Variants in FRAS1 observed in about 807,000 individuals in gnomAD.
The protein encoded by FRAS1 is extracellular matrix organizing protein FRAS1.
A neutral mutation model predicts 435.2 loss-of-function variants in FRAS1; 290 were observed. The ratio of observed to expected loss-of-function variants is 0.67; its 90% confidence interval spans 0.61 to 0.73. FRAS1 has a LOEUF of 0.73. Among genes scored for constraint, FRAS1 ranks in the 30% least tolerant of loss-of-function variants. The pLI is 0.00. For synonymous variants in FRAS1, 1,800 were observed against 1,851.0 expected (o/e 0.97, Z 0.71); for missense variants, 4,860 against 5,001.5 (o/e 0.97, Z 0.85).
intron 2 of FRAS1, among the ~76,000 whole-genome samples, chr4:78,125,381 C>T (rs777398016): frequency 6.6e-6 from 1 of 152,142 alleles, no homozygotes; most frequent in Non-Finnish European, 1.5e-5. Context: ...TGTTTTTTTA[C>T]ATTTGCTGAG....
chr4:78,315,650 A>G lies in FRAS1; in HGVS notation c.1735A>G (p.Thr579Ala). 3 of 1,613,982 alleles carry G rather than the reference A, an allele frequency of 1.9e-6. No individual in the cohort carries two copies. Among genetic ancestry groups the G allele is most frequent in the Non-Finnish European group, 1.7e-6 (2 of 1,179,878 alleles). ...GPSSPRCLTC[T>A]EKTVLHDGKC... ...CAGTAGCCCCAGGTGTCTTACCTGTACTGAGAAGACAGTGCTGCATGATGG... is the reference window on the plus strand; with the variant it reads ...CAGTAGCCCCAGGTGTCTTACCTGTGCTGAGAAGACAGTGCTGCATGATGG... Residue 579 changes from threonine (T) to alanine (A), a missense_variant, in exon 16 of 74, where the codon ACT becomes GCT. By Grantham distance (58) the Thr-to-Ala change is moderately conservative (BLOSUM62 0). Transcript: ENST00000512123.
At chr4:78,399,280 C>G (rs1732791180) in intron 29 of FRAS1, among the ~76,000 whole-genome samples, 1 of 152,108 alleles carries the variant, frequency 6.6e-6, no homozygotes, top group South Asian at 2.1e-4. Flanking sequence ...GTGAGATGCT[C>G]AAGGGCCAAG....
At chr4:78,272,708 A>G (rs1726772853) in intron 9 of FRAS1, among the ~76,000 whole-genome samples, 1 of 152,186 alleles carries the variant, frequency 6.6e-6, no homozygotes. Flanking sequence ...TGTTTTGGTT[A>G]CTATAGCCTT....
chr4:78,480,166 A>G (rs908009950), intron 56 of FRAS1, among the ~76,000 whole-genome samples: 1 of 152,112 alleles, frequency 6.6e-6, no homozygotes, highest in Admixed American at 6.6e-5. Context: ...AGGGAATACT[A>G]GGTCTTCTTT....
At chr4:78,085,854 T>C (rs900444499) in intron 2 of FRAS1, among the ~76,000 whole-genome samples, 12 of 152,060 alleles carry the variant, frequency 7.9e-5, no homozygotes, top group Non-Finnish European at 1.5e-4. Flanking sequence ...CTGTCAACAT[T>C]AGACAGATCA....
At chr4:78,400,397 C>T (rs1006726276) in intron 29 of FRAS1, among the ~76,000 whole-genome samples, 1 of 152,034 alleles carries the variant, frequency 6.6e-6, no homozygotes, top group African/African-American at 2.4e-5. Context: ...ATAATAGGTG[C>T]TTAATGAATA....
chr4:78,195,138 G>C (rs998279359), intron 2 of FRAS1, among the ~76,000 whole-genome samples: 4 of 152,172 alleles, frequency 2.6e-5, no homozygotes, highest in Admixed American at 2.6e-4. Flanking sequence ...CGGAAGTTTT[G>C]TCTCAGAGGA....
rs577079149 is a variant in FRAS1 at position 78,526,914 on chromosome 4, C to T, written c.10925+257C>T. On this transcript the variant is annotated intron_variant, in intron 70 of 73. Coordinates refer to ENST00000512123, the MANE Select transcript of FRAS1 (RefSeq NM_025074.7). ...ATCCTATGCACAGTCTATTCAGTGC[C>T]ATGTTTTTTGCATTTTTGTGCCTTT... Among the ~76,000 whole-genome samples, 99 of 152,252 alleles carry T rather than the reference C, an allele frequency of 6.5e-4. 4 individuals are homozygous for T. The South Asian group carries it at 0.02, about 31-fold the overall frequency.
intron 2 of FRAS1, among the ~76,000 whole-genome samples, chr4:78,193,850 C>A (rs989286482): frequency 4.6e-5 from 7 of 152,166 alleles, no homozygotes; most frequent in African/African-American, 1.7e-4. Context: ...TTAGTTGATG[C>A]AGTTTCTTCC....
At chr4:78,325,948 A>G (rs1242522952) in intron 18 of FRAS1, among the ~76,000 whole-genome samples, 1 of 152,250 alleles carries the variant, frequency 6.6e-6, no homozygotes, top group Non-Finnish European at 1.5e-5. Flanking sequence ...TTGGAGAAGT[A>G]CAGCGTGTTT....
intron 52 of FRAS1, 34 bp downstream of exon 52, chr4:78,472,364 A>C: frequency 6.5e-7 from 1 of 1,541,812 alleles, no homozygotes; most frequent in Non-Finnish European, 8.8e-7. Context: ...AAATGGGAGA[A>C]ATCTATGCTA....
At chr4:78,283,664 T>G (rs1578227321) in intron 12 of FRAS1, among the ~76,000 whole-genome samples, 1 of 152,228 alleles carries the variant, frequency 6.6e-6, no homozygotes, top group East Asian at 1.9e-4. Flanking sequence ...GCAGTTGCTC[T>G]TGTTGCACTC....
rs189538880 is a variant in FRAS1 at position 78,157,271 on chromosome 4, T to C, written c.109-80239T>C. Among the ~76,000 whole-genome samples, 833 of 152,340 alleles carry C rather than the reference T, an allele frequency of 5.5e-3. 6 individuals carry two copies. The highest frequency in any genetic ancestry group is 0.01 in the Middle Eastern group (3 of 294). On this transcript the variant is annotated intron_variant, in intron 2 of 73. Coordinates refer to ENST00000512123, the MANE Select transcript of FRAS1 (RefSeq NM_025074.7). ...CCCATGTCCTTGCTATTGTGAATAG[T>C]GCTGTGATGAACATGTACATGCATA...
chr4:78,309,623 C>T (rs1296187150), intron 15 of FRAS1, among the ~76,000 whole-genome samples: 1 of 152,174 alleles, frequency 6.6e-6, no homozygotes, highest in African/African-American at 2.4e-5. Context: ...CACTCTACTG[C>T]TCATTATAAT....
At chr4:78,271,263 A>C (rs1726663280) in intron 9 of FRAS1, among the ~76,000 whole-genome samples, 2 of 74,886 alleles carry the variant, frequency 2.7e-5, no homozygotes, top group Admixed American at 3.7e-4. Context: ...TATTTAGAGA[A>C]ACATTACCAT....
chr4:78,118,810 C>T lies in FRAS1; in HGVS notation c.108+52794C>T, dbSNP rs116184478. Among the ~76,000 whole-genome samples, 410 of 152,250 alleles carry T rather than the reference C, an allele frequency of 2.7e-3. 1 individual carries two copies. The highest frequency in any genetic ancestry group is 8.8e-3 in the African/African-American group (365 of 41,552). ...ACCCTCCTTCGGCTTGCACTCGGTGCGCTGCACTCACTGTCCTGCACCCAC... is the reference window on the plus strand; with the variant it reads ...ACCCTCCTTCGGCTTGCACTCGGTGTGCTGCACTCACTGTCCTGCACCCAC... On this transcript the variant is annotated intron_variant, in intron 2 of 73. Coordinates refer to ENST00000512123, the MANE Select transcript of FRAS1 (RefSeq NM_025074.7).
intron 2 of FRAS1, among the ~76,000 whole-genome samples, chr4:78,200,467 G>A (rs775623828): frequency 1.5e-4 from 23 of 152,208 alleles, no homozygotes; most frequent in Non-Finnish European, 3.1e-4. Context: ...AGCAGGGCAA[G>A]CTTGAGTGAA....
intron 2 of FRAS1, among the ~76,000 whole-genome samples, chr4:78,168,415 C>T (rs913876559): frequency 5.9e-5 from 9 of 151,282 alleles, no homozygotes; most frequent in Admixed American, 2.0e-4. Flanking sequence ...TTTTTTTTAG[C>T]GTAGCATTTT....
At chr4:78,443,741 G>A (rs948532384) in intron 41 of FRAS1, among the ~76,000 whole-genome samples, 2 of 152,222 alleles carry the variant, frequency 1.3e-5, no homozygotes, top group African/African-American at 4.8e-5. Flanking sequence ...AAGGATTGGA[G>A]CTTAAAGCTT....
Sources: allele counts gnomAD v4.1 joint callset (sites outside exome capture counted in the v4.1 genomes callset), GRCh38; gene constraint gnomAD v4.1.1; transcripts MANE v1.5; gene names NCBI Gene and HGNC (gene_info 2026-07-23, HGNC 2026-07-21).